Variants in PDZD2 observed in about 807,000 individuals in gnomAD.
The protein encoded by PDZD2 is PDZ domain-containing protein 2.
In PDZD2, 90 loss-of-function variants were observed where a neutral mutation model predicts 220.7. The observed-to-expected ratio is 0.41, with a 90% confidence interval of 0.34 to 0.49. The LOEUF (loss-of-function observed/expected upper bound fraction) is 0.49, where lower values mean the gene tolerates loss of function less well. Ranked by LOEUF, PDZD2 falls within the 20% of genes least tolerant of loss-of-function variation. PDZD2 has a pLI of 0.28. For missense variants in PDZD2, 3,174 were observed against 3,608.5 expected, an observed-to-expected ratio of 0.88 and a Z score of 3.08; for synonymous variants, 1,375 against 1,450.5, an observed-to-expected ratio of 0.95 and a Z score of 1.18.
chr5:31,902,069 A>T (rs1208399736), intron 2 of PDZD2, among the ~76,000 whole-genome samples: 3 of 152,234 alleles, frequency 2.0e-5, no homozygotes, highest in Non-Finnish European at 4.4e-5. Context: ...ATTTGTGTGG[A>T]CATAATGTTT....
At chr5:31,899,078 C>T (rs1202623755) in intron 2 of PDZD2, among the ~76,000 whole-genome samples, 2 of 151,836 alleles carry the variant, frequency 1.3e-5, no homozygotes, top group East Asian at 3.9e-4. Context: ...CTGCCTGCCT[C>T]GGCCTCCCAA....
chr5:31,961,188 A>C (rs7703211), intron 2 of PDZD2, among the ~76,000 whole-genome samples: 1 of 151,874 alleles, frequency 6.6e-6, no homozygotes, highest in Admixed American at 6.6e-5. Flanking sequence ...GGAAAAGATC[A>C]ATGGTTGGAT....
chr5:31,751,404 T>C (rs1352572707), intron 1 of PDZD2, among the ~76,000 whole-genome samples: 1 of 152,076 alleles, frequency 6.6e-6, no homozygotes, highest in African/African-American at 2.4e-5. Context: ...GGGCTTGTGC[T>C]ATGATGACAG....
chr5:31,898,811 T>C (rs565610858), intron 2 of PDZD2, among the ~76,000 whole-genome samples: 7 of 141,142 alleles, frequency 5.0e-5, no homozygotes, highest in East Asian at 3.9e-4. Flanking sequence ...CTCTCTTCTT[T>C]TTTTTTTTTT....
At chr5:31,730,789 T>C (rs1445003726) in intron 1 of PDZD2, among the ~76,000 whole-genome samples, 1 of 152,182 alleles carries the variant, frequency 6.6e-6, no homozygotes, top group Non-Finnish European at 1.5e-5. Flanking sequence ...AAACATTTGA[T>C]ACATTATTGG....
intron 1 of PDZD2, among the ~76,000 whole-genome samples, chr5:31,787,418 G>C (rs1328851378): frequency 1.3e-5 from 2 of 152,146 alleles, no homozygotes; most frequent in Admixed American, 1.3e-4. Flanking sequence ...ATATATTTTA[G>C]AAGTAGGTAG....
intron 2 of PDZD2, among the ~76,000 whole-genome samples, chr5:31,806,515 G>A (rs1320911175): frequency 6.6e-6 from 1 of 152,162 alleles, no homozygotes; most frequent in Admixed American, 6.5e-5. Context: ...GTCCTGGTGG[G>A]AACTTCTAGA....
chr5:31,777,353 C>T (rs533072240), intron 1 of PDZD2, among the ~76,000 whole-genome samples: 3 of 152,334 alleles, frequency 2.0e-5, no homozygotes, highest in South Asian at 2.1e-4. Flanking sequence ...TGCAGGGCTC[C>T]GAACCTGCAG....
At chr5:31,978,333 G>A (rs1355581820) in intron 2 of PDZD2, among the ~76,000 whole-genome samples, 2 of 151,812 alleles carry the variant, frequency 1.3e-5, no homozygotes, top group Non-Finnish European at 2.9e-5. Context: ...TTGAATGTAT[G>A]AAATAGTCAG....
intron 2 of PDZD2, among the ~76,000 whole-genome samples, chr5:31,962,363 C>A (rs867955369): frequency 6.6e-6 from 1 of 152,132 alleles, no homozygotes; most frequent in Non-Finnish European, 1.5e-5. Flanking sequence ...TACGTAAATC[C>A]TTTAGGGAAG....
intron 2 of PDZD2, among the ~76,000 whole-genome samples, chr5:31,954,206 CAT>C (rs753362938): frequency 1.2e-4 from 18 of 152,256 alleles, no homozygotes; most frequent in Middle Eastern, 3.4e-3. Context: ...TTCTCCACCA[CAT>C]GAGTTTTGTT....
intron 12 of PDZD2, among the ~76,000 whole-genome samples, chr5:32,058,924 T>C (rs1489899357): frequency 6.6e-6 from 1 of 152,200 alleles, no homozygotes; most frequent in African/African-American, 2.4e-5. Flanking sequence ...TGAGTTTGTG[T>C]ACCTAGAATA....
chr5:32,077,650 G>T (rs761528400), intron 19 of PDZD2, 44 bp downstream of exon 19: 1 of 1,597,198 alleles, frequency 6.3e-7, no homozygotes, highest in Non-Finnish European at 8.6e-7. Flanking sequence ...TAGGTGGGGA[G>T]ATACCCTAAT....
chr5:31,656,053 A>G (rs923580711), intron 1 of PDZD2, among the ~76,000 whole-genome samples: 1 of 152,090 alleles, frequency 6.6e-6, no homozygotes, highest in African/African-American at 2.4e-5. Flanking sequence ...ACAGGCATAG[A>G]CCCCATGCTG....
chr5:31,723,584 T>A lies in PDZD2; in HGVS notation c.-360-75305T>A, dbSNP rs9686238. On this transcript the variant is annotated intron_variant, in intron 1 of 24. Transcript: ENST00000438447. ...AGAATCACCTAGAGTGAGAGTGTTG[T>A]CTTTCAACTTGCCTCTTATTTTATT... Among the ~76,000 whole-genome samples, 464 of 152,204 alleles carry A rather than the reference T, an allele frequency of 3.0e-3. 2 individuals are homozygous for A. Among genetic ancestry groups the A allele is most frequent in the African/African-American group, 0.011 (444 of 41,572 alleles).
intron 6 of PDZD2, among the ~76,000 whole-genome samples, chr5:32,013,375 T>C (rs1345047224): frequency 1.3e-5 from 2 of 151,602 alleles, no homozygotes; most frequent in African/African-American, 4.9e-5. Flanking sequence ...GTAAAATTGC[T>C]TAGTCAAAGG....
At chr5:31,915,066 G>C (rs113543461) in intron 2 of PDZD2, among the ~76,000 whole-genome samples, 1 of 152,202 alleles carries the variant, frequency 6.6e-6, no homozygotes, top group Non-Finnish European at 1.5e-5. Context: ...TTTAGAAGCT[G>C]TAGGGGGTCT....
At chr5:31,830,027 G>A (rs1442970256) in intron 2 of PDZD2, among the ~76,000 whole-genome samples, 1 of 152,086 alleles carries the variant, frequency 6.6e-6, no homozygotes, top group Non-Finnish European at 1.5e-5. Context: ...TAGCCTGGGT[G>A]ACAGAGCGAG....
intron 2 of PDZD2, among the ~76,000 whole-genome samples, chr5:31,960,723 C>T (rs904606827): frequency 6.8e-6 from 1 of 147,164 alleles, no homozygotes; most frequent in Non-Finnish European, 1.5e-5. Flanking sequence ...CTTTTATAAG[C>T]TTCTGAAGTA....
Sources: gnomAD v4.1 joint callset for allele counts (sites outside exome capture counted in the v4.1 genomes callset) on GRCh38, gnomAD v4.1.1 for gene constraint, MANE v1.5 for transcripts, NCBI Gene and HGNC (gene_info 2026-07-23, HGNC 2026-07-21) for gene names.